MYLIP: variants seen among roughly 807,000 people sequenced by gnomAD.
The protein encoded by MYLIP is myosin regulatory light chain interacting protein.
In MYLIP, 26 loss-of-function variants were observed where a neutral mutation model predicts 45.8. The ratio of observed to expected loss-of-function variants is 0.57; its 90% CI spans 0.42 to 0.79. The LOEUF (loss-of-function observed/expected upper bound fraction) is 0.79, where lower values mean the gene tolerates loss of function less well. MYLIP is among the 30% of genes least tolerant of loss of function. MYLIP has a pLI of 0.00. For synonymous variants in MYLIP, 213 were observed against 218.1 expected (o/e 0.98, Z 0.21); for missense variants, 494 against 555.6 (o/e 0.89, Z 1.11).
At position 16,147,152 on chromosome 6, in the gene MYLIP, A is replaced by C. The variant is rs1396871329; in HGVS notation, c.*401A>C. 6.3e-6 allele frequency: 1 copy of C among 158,128 alleles called. No homozygotes were observed. The highest frequency in any genetic ancestry group is 1.4e-5 in the Non-Finnish European group (1 of 71,192). 9.8% of individuals were successfully genotyped at this position (158,128 alleles called of 1,614,324 possible). A position where few individuals can be genotyped will look rare whatever the true frequency, so the allele number is the denominator to read the frequency against. ...TTTCCTACTGGCAGCAGATTTTGTA[A>C]GAATTACTTTTAAGAATTTCATTCT... is the stretch of plus-strand genomic sequence containing the variant. On this transcript the variant is annotated 3_prime_UTR_variant, in exon 7 of 7. Transcript: ENST00000356840.
the MYLIP span, among the ~76,000 whole-genome samples, chr6:16,155,666 T>C: frequency 1.3e-5 from 2 of 152,166 alleles, no homozygotes; most frequent in Non-Finnish European, 2.9e-5. Flanking sequence ...CTCGAACCCA[T>C]TGCTCTCAGC....
At chr6:16,142,899 A>G (rs892396848) in intron 3 of MYLIP, 121 bp from the exon 4 acceptor site, 2 of 1,005,782 alleles carry the variant, frequency 2.0e-6, no homozygotes, top group Non-Finnish European at 2.9e-6. Flanking sequence ...TCAGTAATAC[A>G]TAAGTTTTAA....
chr6:16,141,837 T>C (rs779213700), intron 3 of MYLIP, 27 bp downstream of exon 3: 4 of 1,576,154 alleles, frequency 2.5e-6, no homozygotes, highest in Admixed American at 1.7e-5. Context: ...TAGTATTGTT[T>C]ACAACTAGAA....
chr6:16,155,514 T>C, the MYLIP span, among the ~76,000 whole-genome samples: 4 of 152,238 alleles, frequency 2.6e-5, no homozygotes, highest in African/African-American at 9.6e-5. Flanking sequence ...GTATCTTCTC[T>C]GGCTGAGTTA....
chr6:16,156,293 G>A, the MYLIP span, among the ~76,000 whole-genome samples: 1 of 152,168 alleles, frequency 6.6e-6, no homozygotes, highest in African/African-American at 2.4e-5. Flanking sequence ...TGAGGGTGGA[G>A]CCCTCACCAG....
intron 2 of MYLIP, among the ~76,000 whole-genome samples, chr6:16,132,519 A>G (rs570337504): frequency 1.3e-5 from 2 of 152,292 alleles, no homozygotes; most frequent in South Asian, 4.1e-4. Flanking sequence ...AATTGTATGG[A>G]AAAGTTAAGT....
At position 16,145,236 on chromosome 6, in the gene MYLIP, G is replaced by A; in HGVS notation, c.1167G>A (p.Val389=). 6.2e-7 allele frequency: 1 copy of A among 1,613,928 alleles called. No individual in the cohort carries two copies. Among genetic ancestry groups the A allele is most frequent in the Non-Finnish European group, 8.5e-7 (1 of 1,179,846 alleles). Residue 389 remains valine (V), a synonymous_variant, in exon 6 of 7, where the codon GTG becomes GTA. Coordinates refer to ENST00000356840, the MANE Select transcript of MYLIP (RefSeq NM_013262.4). ...TGAAGGAAGCCATGCTGTGCATGGT[G>A]TGCTGCGAGGAGGAGATCAACTCCA... ...RKLKEAMLCM[V]CCEEEINSTF...
At chr6:16,149,343 A>G (rs1037118981), downstream of MYLIP, among the ~76,000 whole-genome samples, 3 of 152,222 alleles carry the variant, frequency 2.0e-5, no homozygotes, top group Admixed American at 2.0e-4. Flanking sequence ...ACTATATTAC[A>G]TGGTGGCATC....
chr6:16,140,914 C>T (rs886306397), intron 2 of MYLIP, among the ~76,000 whole-genome samples: 23 of 152,174 alleles, frequency 1.5e-4, no homozygotes, highest in East Asian at 5.8e-4. Flanking sequence ...AGGAGAGCAG[C>T]GCAGAGAATA....
intron 3 of MYLIP, among the ~76,000 whole-genome samples, 168 bp downstream of exon 3, chr6:16,141,978 C>G (rs1327703578): frequency 1.3e-5 from 2 of 152,136 alleles, no homozygotes; most frequent in Non-Finnish European, 2.9e-5. Flanking sequence ...CATGTTATGT[C>G]AAATACTGTA....
At chr6:16,132,564 G>A (rs1045517530) in intron 2 of MYLIP, among the ~76,000 whole-genome samples, 1 of 152,050 alleles carries the variant, frequency 6.6e-6, no homozygotes, top group Non-Finnish European at 1.5e-5. Flanking sequence ...TTAATATGTT[G>A]GTGAATTTTA....
chr6:16,158,495 T>C, the MYLIP span, among the ~76,000 whole-genome samples: 3 of 152,206 alleles, frequency 2.0e-5, no homozygotes, highest in African/African-American at 7.2e-5. Context: ...GATTGATATA[T>C]GTGAAAAACT....
chr6:16,143,137 T>G lies in MYLIP; in HGVS notation c.582T>G (p.Asp194Glu). ...GCATAGAATGGCATTCTGTGCGGGA[T>G]AGCGAAGGGCAGAAACTGCTCATTG... ...NYGIEWHSVR[D>E]SEGQKLLIGV... Residue 194 changes from aspartate (D) to glutamate (E), a missense_variant, in exon 4 of 7, where the codon GAT becomes GAG. By Grantham distance (45) the Asp-to-Glu change is conservative. Coordinates refer to ENST00000356840, the MANE Select transcript of MYLIP (RefSeq NM_013262.4). 1.9e-6 allele frequency: 3 copies of G among 1,614,210 alleles called. No homozygotes were observed. In the Admixed American group the frequency reaches 5.0e-5, roughly 27 times the overall value.
rs1433553548 is a variant in MYLIP at position 16,129,687 on chromosome 6, C to T, written c.87+278C>T. ...CCACCCCCCAGCGCCCCATCATCCCCCCAACCCAGCACTTTCCCGGAAGAA... is the reference window on the plus strand; with the variant it reads ...CCACCCCCCAGCGCCCCATCATCCCTCCAACCCAGCACTTTCCCGGAAGAA... On this transcript the variant is annotated intron_variant, in intron 1 of 6. Coordinates refer to ENST00000356840, the MANE Select transcript of MYLIP (RefSeq NM_013262.4). The surrounding 1 kb of genome is among the most constrained non-coding windows in gnomAD (Gnocchi z 5.1). Among the ~76,000 whole-genome samples the T allele has an allele frequency of 6.6e-6, 1 of 152,192 alleles. No individual in the cohort carries two copies. The highest frequency in any genetic ancestry group is 1.5e-5 in the Non-Finnish European group (1 of 68,020).
chr6:16,154,201 G>A, the MYLIP span, among the ~76,000 whole-genome samples: 7 of 152,034 alleles, frequency 4.6e-5, no homozygotes, highest in Non-Finnish European at 8.8e-5. Flanking sequence ...GTCCAAGCTG[G>A]CCTCAAACTC....
chr6:16,135,967 C>A (rs914391490), intron 2 of MYLIP, among the ~76,000 whole-genome samples: 1 of 151,562 alleles, frequency 6.6e-6, no homozygotes, highest in Non-Finnish European at 1.5e-5. Flanking sequence ...ATCCACCCAT[C>A]AATCTGTCTT....
At chr6:16,154,483 G>T in the MYLIP span, among the ~76,000 whole-genome samples, 1 of 152,158 alleles carries the variant, frequency 6.6e-6, no homozygotes. Context: ...GGAGTGACTT[G>T]CTCAAGGTCA....
Position 16,129,491 on chromosome 6 carries a change from G to A in MYLIP, c.87+82G>A, listed in dbSNP as rs991358699. 2.0e-4 allele frequency: 277 copies of A among 1,392,104 alleles called. No individual in the cohort carries two copies. Among genetic ancestry groups the A allele is most frequent in the Admixed American group, 1.0e-4 (5 of 47,692 alleles). The allele number at this position is 1,392,104 out of a possible 1,614,324, so 86.2% of individuals were successfully genotyped here. A position where few individuals can be genotyped will look rare whatever the true frequency, so the allele number is the denominator to read the frequency against. ...GCAGCGACGCCTGGCACTCTGGCGCGCCCCCTACTAGGGGCCGGGAGGCAC... is the reference window on the plus strand; with the variant it reads ...GCAGCGACGCCTGGCACTCTGGCGCACCCCCTACTAGGGGCCGGGAGGCAC... On this transcript the variant is annotated intron_variant, in intron 1 of 6. Transcript: ENST00000356840. The surrounding 1 kb of genome is among the most constrained non-coding windows in gnomAD (Gnocchi z 5.1).
chr6:16,161,372 C>G, the MYLIP span: 27 of 240,366 alleles, frequency 1.1e-4, no homozygotes, highest in East Asian at 3.0e-3. Context: ...GCTGCTGCCT[C>G]CCAAACTGCG....
Sources: allele counts gnomAD v4.1 joint callset (sites outside exome capture counted in the v4.1 genomes callset), GRCh38; gene constraint gnomAD v4.1.1; non-coding constraint Gnocchi (gnomAD v3.1); transcripts MANE v1.5; gene names NCBI Gene and HGNC (gene_info 2026-07-23, HGNC 2026-07-21).